SGCZ: variants seen among roughly 807,000 people sequenced by gnomAD.
SGCZ encodes sarcoglycan zeta, also known as zeta-sarcoglycan.
In SGCZ, 40 loss-of-function variants were observed where a neutral mutation model predicts 41.3. The observed-to-expected ratio is 0.97, with a 90% CI of 0.75 to 1.26. The LOEUF (loss-of-function observed/expected upper bound fraction) is 1.26. SGCZ is among the 50% of genes most tolerant of loss of function. The pLI, the probability that SGCZ is intolerant of heterozygous loss-of-function variation, is 0.00. For synonymous variants in SGCZ, 206 were observed against 137.5 expected (o/e 1.50, Z -3.49); for missense variants, 552 against 369.8 (o/e 1.49, Z -4.04).
intron 1 of SGCZ, among the ~76,000 whole-genome samples, chr8:14,693,736 G>C (rs199523609): frequency 2.0e-5 from 3 of 151,362 alleles, no homozygotes; most frequent in Non-Finnish European, 4.4e-5. Context: ...GACTACAGGC[G>C]CCTGCCACCA....
intron 1 of SGCZ, among the ~76,000 whole-genome samples, chr8:14,586,779 C>A (rs949715970): frequency 1.3e-5 from 2 of 152,032 alleles, no homozygotes; most frequent in Non-Finnish European, 2.9e-5. Context: ...AAGCATTATG[C>A]ATAATATTAT....
intron 1 of SGCZ, among the ~76,000 whole-genome samples, chr8:14,782,669 T>C (rs1800626696): frequency 6.6e-6 from 1 of 152,114 alleles, no homozygotes; most frequent in Admixed American, 6.6e-5. Flanking sequence ...AGATGAATTA[T>C]TGAGATGGTT....
intron 1 of SGCZ, among the ~76,000 whole-genome samples, chr8:14,569,574 T>C (rs149547206): frequency 6.6e-6 from 1 of 152,246 alleles, no homozygotes; most frequent in Non-Finnish European, 1.5e-5. Context: ...CAAACAAAAA[T>C]CCCTGTCATC....
chr8:14,803,018 C>A (rs73533042), intron 1 of SGCZ, among the ~76,000 whole-genome samples: 2,323 of 152,212 alleles, frequency 0.015, 50 homozygotes, highest in African/African-American at 0.042. Context: ...TCCCTTGGAA[C>A]GTATTTTTTC....
chr8:14,216,313 T>G (rs894950036), intron 4 of SGCZ, among the ~76,000 whole-genome samples: 16 of 152,116 alleles, frequency 1.1e-4, no homozygotes, highest in African/African-American at 3.9e-4. Context: ...TCCTATACTT[T>G]CTCCTACCAC....
intron 7 of SGCZ, among the ~76,000 whole-genome samples, chr8:14,102,122 T>G (rs1280823613): frequency 1.4e-5 from 2 of 146,546 alleles, no homozygotes; most frequent in Middle Eastern, 3.6e-3. Flanking sequence ...TTTTTTTTAG[T>G]AGAGATGGGG....
At chr8:15,172,152 C>CGGTTT (rs1322884184) in intron 1 of SGCZ, among the ~76,000 whole-genome samples, 1,070 of 70,134 alleles carry the variant, frequency 0.015, 33 homozygotes, top group Middle Eastern at 0.039. Context: ...CTTTTATACT[C>CGGTTT]TGTTTTTTTT....
At chr8:14,366,935 G>C (rs1321671512) in intron 2 of SGCZ, among the ~76,000 whole-genome samples, 2 of 152,084 alleles carry the variant, frequency 1.3e-5, no homozygotes, top group African/African-American at 2.4e-5. Flanking sequence ...CAACGTCTTG[G>C]AAGTTAACAT....
intron 3 of SGCZ, among the ~76,000 whole-genome samples, chr8:14,283,105 T>G (rs1472623144): frequency 6.6e-6 from 1 of 152,020 alleles, no homozygotes; most frequent in Admixed American, 6.5e-5. Flanking sequence ...CGCCTCGGCC[T>G]TCCAAAGTGC....
intron 1 of SGCZ, among the ~76,000 whole-genome samples, chr8:14,609,777 A>T (rs1480816513): frequency 6.6e-6 from 1 of 152,136 alleles, no homozygotes; most frequent in Non-Finnish European, 1.5e-5. Context: ...GTTTGTATAC[A>T]TGTCTCATTT....
chr8:14,442,413 G>A (rs1237170224), intron 2 of SGCZ, among the ~76,000 whole-genome samples: 3 of 152,150 alleles, frequency 2.0e-5, no homozygotes, highest in East Asian at 1.9e-4. Context: ...TCAGCCATGT[G>A]GAACTGTGAG....
At chr8:14,141,094 G>C (rs1261308545) in intron 5 of SGCZ, among the ~76,000 whole-genome samples, 3 of 152,134 alleles carry the variant, frequency 2.0e-5, no homozygotes. Flanking sequence ...TTTAATAAAT[G>C]GTGCTGGGAA....
chr8:14,939,315 C>G (rs1800187460), intron 1 of SGCZ, among the ~76,000 whole-genome samples: 1 of 152,116 alleles, frequency 6.6e-6, no homozygotes, highest in African/African-American at 2.4e-5. Flanking sequence ...ATCTGAAAAT[C>G]AAAACCTAGC....
chr8:14,299,991 G>A (rs940997310), intron 3 of SGCZ, among the ~76,000 whole-genome samples: 1 of 151,878 alleles, frequency 6.6e-6, no homozygotes, highest in Non-Finnish European at 1.5e-5. Flanking sequence ...TATACACTAT[G>A]ACTGCATTTT....
chr8:14,091,850 G>C (rs181921288), intron 7 of SGCZ, among the ~76,000 whole-genome samples: 5 of 151,070 alleles, frequency 3.3e-5, no homozygotes, highest in African/African-American at 1.2e-4. Context: ...CCCATTTGTC[G>C]TCACTGCTTT....
At chr8:14,881,272 C>A (rs916195007) in intron 1 of SGCZ, among the ~76,000 whole-genome samples, 1 of 152,058 alleles carries the variant, frequency 6.6e-6, no homozygotes, top group Non-Finnish European at 1.5e-5. Flanking sequence ...GTATCATGAT[C>A]AATTAGTGCA....
At chr8:14,377,554 G>C (rs1300830405) in intron 2 of SGCZ, among the ~76,000 whole-genome samples, 1 of 150,894 alleles carries the variant, frequency 6.6e-6, no homozygotes, top group Non-Finnish European at 1.5e-5. Context: ...TATACTTTAA[G>C]TTTTAGGGTA....
intron 3 of SGCZ, among the ~76,000 whole-genome samples, chr8:14,250,807 G>C (rs1430153024): frequency 6.6e-6 from 1 of 152,144 alleles, no homozygotes; most frequent in Non-Finnish European, 1.5e-5. Context: ...CTTCCCTGTA[G>C]TGCCCTGACA....
intron 2 of SGCZ, among the ~76,000 whole-genome samples, chr8:14,540,552 T>G (rs1585061779): frequency 6.6e-6 from 1 of 151,986 alleles, no homozygotes; most frequent in Middle Eastern, 3.4e-3. Context: ...AATGGCTTTA[T>G]TTCTGTCTTA....
Sources: allele counts gnomAD v4.1 joint callset (sites outside exome capture counted in the v4.1 genomes callset), GRCh38; gene constraint gnomAD v4.1.1; transcripts MANE v1.5; gene names NCBI Gene and HGNC (gene_info 2026-07-23, HGNC 2026-07-21).